Variants in TCTN1 observed in about 807,000 individuals in gnomAD.
The protein encoded by TCTN1 is tectonic family member 1, also known as tectonic-1.
In TCTN1, 58 loss-of-function variants were observed where a neutral mutation model predicts 65.8. That is an observed-to-expected ratio of 0.88 (90% CI 0.71 to 1.10). The LOEUF is 1.10. TCTN1 is among the 50% of genes least tolerant of loss of function. TCTN1 has a pLI of 0.00. For synonymous variants in TCTN1, 273 were observed against 289.1 expected (o/e 0.94, Z 0.57); for missense variants, 645 against 719.4 (o/e 0.90, Z 1.18).
intron 14 of TCTN1, chr12:110,648,660 G>A (rs1278818253): frequency 5.4e-6 from 1 of 185,428 alleles, no homozygotes; most frequent in East Asian, 1.8e-4. Flanking sequence ...CAAATACCTT[G>A]TTAATTATAG....
In TCTN1 at chr12:110,640,487, C is replaced by T. The variant is rs1383259588; in HGVS notation, c.948C>T (p.His316=). The change falls in exon 8 of 15, where the codon CAC becomes CAT. Residue 316 remains histidine, a synonymous_variant. Coordinates refer to ENST00000397659, the MANE Select transcript of TCTN1 (RefSeq NM_001082538.3). This position sits in a 1 kb window ranked among gnomAD's most constrained non-coding sequence, Gnocchi z 4.9. ...VLQPTLVNAG[H]FSLCVNVVLE... ...AGCCGACTCTCGTCAACGCTGGACA[C>T]TTTAGCCTTTGCGTGAATGTTGTTC... The T allele has an allele frequency of 6.2e-7, 1 of 1,614,254 alleles. No individual in the cohort carries two copies. The highest frequency in any genetic ancestry group is 1.3e-5 in the African/African-American group (1 of 75,056).
Position 110,614,262 on chromosome 12 carries a change from C to A in TCTN1, c.80C>A (p.Thr27Asn). The A allele has an allele frequency of 6.3e-7, 1 of 1,595,686 alleles. No homozygotes were observed. The highest frequency in any genetic ancestry group is 1.1e-5 in the South Asian group (1 of 88,216). Reference protein sequence around the residue: ...WASVSAQTDATPAVTTEGLNS... With the variant: ...WASVSAQTDANPAVTTEGLNS... ...TCCGTGAGCGCCCAGACCGATGCCA[C>A]CCCGGCGGTGACGACAGAGGGCCTC... Residue 27 changes from threonine to asparagine, a missense_variant, in exon 1 of 15, where the codon ACC becomes AAC. Physicochemically the swap from Thr to Asn is moderately conservative, Grantham distance 65. Coordinates refer to ENST00000397659, the MANE Select transcript of TCTN1 (RefSeq NM_001082538.3).
chr12:110,628,086 T>A, intron 3 of TCTN1: 1 of 1,536,030 alleles, frequency 6.5e-7, no homozygotes, highest in Non-Finnish European at 8.7e-7. Flanking sequence ...GGTGGCTGTG[T>A]GAGAGTAGAA....
intron 1 of TCTN1, among the ~76,000 whole-genome samples, chr12:110,618,858 G>C (rs2065228055): frequency 6.6e-6 from 1 of 151,972 alleles, no homozygotes; most frequent in African/African-American, 2.4e-5. Context: ...AAGCGGCAAA[G>C]AAAAATCATC....
At chr12:110,617,447 C>G (rs2065120896) in intron 1 of TCTN1, among the ~76,000 whole-genome samples, 1 of 151,892 alleles carries the variant, frequency 6.6e-6, no homozygotes, top group South Asian at 2.1e-4. Context: ...CCTCAGCCTC[C>G]CAAGTAGCTG....
intron 1 of TCTN1, 99 bp downstream of exon 1, chr12:110,614,501 A>G (rs1191134803): frequency 2.6e-6 from 4 of 1,540,920 alleles, no homozygotes; most frequent in Admixed American, 3.9e-5. Context: ...CTTATTGAGC[A>G]CTTACTGTGT....
Position 110,635,698 on chromosome 12 carries a change from TC to T in TCTN1, c.823-779del, listed in dbSNP as rs570362045. 3 of 152,202 alleles carry T rather than the reference TC, an allele frequency of 2.0e-5. No individual in the cohort carries two copies. In the South Asian group the frequency reaches 6.2e-4, roughly 32 times the overall value. 9.4% of individuals were successfully genotyped at this position (152,202 alleles called of 1,614,324 possible). A position where few individuals can be genotyped will look rare whatever the true frequency, so the allele number is the denominator to read the frequency against. On this transcript the variant is annotated intron_variant, in intron 6 of 14. Coordinates refer to ENST00000397659, the MANE Select transcript of TCTN1 (RefSeq NM_001082538.3). ...AAACATACGATTATTGTCAAAGGGGTCCCCTTCCCAATTTCCTTTTTATGAG... is the reference window on the plus strand; with the variant it reads ...AAACATACGATTATTGTCAAAGGGGTCCCTTCCCAATTTCCTTTTTATGAG...
chr12:110,623,729 T>C (rs1292158728), intron 2 of TCTN1, among the ~76,000 whole-genome samples: 14 of 151,472 alleles, frequency 9.2e-5, no homozygotes, highest in Non-Finnish European at 1.5e-4. Context: ...GTTAGAACTA[T>C]AAGCATCTGC....
Position 110,649,290 on chromosome 12 carries a change from G to T in TCTN1, c.*249G>T. ...CCACCCAGAATCCATGCTGGCAGGAGGGAGGCAGAGGTATCAAACCAAACC... is the reference window on the plus strand; with the variant it reads ...CCACCCAGAATCCATGCTGGCAGGATGGAGGCAGAGGTATCAAACCAAACC... On this transcript the variant is annotated 3_prime_UTR_variant, in exon 15 of 15. Coordinates refer to ENST00000397659, the MANE Select transcript of TCTN1 (RefSeq NM_001082538.3). 2 of 760,928 alleles carry T rather than the reference G, an allele frequency of 2.6e-6. No individual in the cohort carries two copies. The highest frequency in any genetic ancestry group is 4.6e-6 in the Non-Finnish European group (2 of 431,920). The allele number at this position is 760,928 out of a possible 1,614,324, so 47.1% of individuals were successfully genotyped here. A position where few individuals can be genotyped will look rare whatever the true frequency, so the allele number is the denominator to read the frequency against.
In TCTN1 at chr12:110,614,367, C is replaced by T. The variant is rs1372088916; in HGVS notation, c.185C>T (p.Pro62Leu). 1.2e-6 allele frequency: 2 copies of T among 1,605,590 alleles called. No individual in the cohort carries two copies. The highest frequency in any genetic ancestry group is 1.7e-6 in the Non-Finnish European group (2 of 1,176,736). The change falls in exon 1 of 15, where the codon CCC (proline) becomes CTC (leucine). Residue 62 changes from proline (P) to leucine (L), a missense_variant. By Grantham distance (98) the Pro-to-Leu change is moderately conservative. Coordinates refer to ENST00000397659, the MANE Select transcript of TCTN1 (RefSeq NM_001082538.3). ...CCCGGGACTCCCAGGGCTCCAGGGC[C>T]CTCCTCCGGCCCCAGGCCTACCCCA... is the stretch of plus-strand genomic sequence containing the variant. Reference protein sequence around the residue: ...RPPGTPRAPGPSSGPRPTPVT... With the variant: ...RPPGTPRAPGLSSGPRPTPVT...
rs2067662428 is a variant in TCTN1 at position 110,649,223 on chromosome 12, T to A, written c.*182T>A. The A allele has an allele frequency of 1.5e-6, 1 of 673,536 alleles. No individual in the cohort carries two copies. Among genetic ancestry groups the A allele is most frequent in the African/African-American group, 1.8e-5 (1 of 55,594 alleles). 41.7% of individuals were successfully genotyped at this position (673,536 alleles called of 1,614,324 possible). Reference sequence around the variant, plus strand: ...TGATACAGTGTGGGGTGGGAGTGGATGGGCAGCTCTTGGTGGTACTGGACC... The same window carrying A: ...TGATACAGTGTGGGGTGGGAGTGGAAGGGCAGCTCTTGGTGGTACTGGACC... On this transcript the variant is annotated 3_prime_UTR_variant, in exon 15 of 15. Coordinates refer to ENST00000397659, the MANE Select transcript of TCTN1 (RefSeq NM_001082538.3).
intron 1 of TCTN1, among the ~76,000 whole-genome samples, chr12:110,615,794 TAAG>T (rs1314455925): frequency 1.3e-5 from 2 of 152,182 alleles, no homozygotes; most frequent in Non-Finnish European, 2.9e-5. Context: ...TATCCCTTCT[TAAG>T]AAGATCTTTT....
chr12:110,619,982 T>C, intron 2 of TCTN1, 26 bp downstream of exon 2: 1 of 1,614,140 alleles, frequency 6.2e-7, no homozygotes, highest in Non-Finnish European at 8.5e-7. Flanking sequence ...ACACATGCAA[T>C]TTTGAAAAAA....
chr12:110,626,455 G>C lies in TCTN1; in HGVS notation c.435G>C (p.Gln145His), dbSNP rs2065847747. The change falls in exon 3 of 15, where the codon CAG (glutamine) becomes CAC (histidine). Residue 145 changes from glutamine to histidine, a missense_variant. By Grantham distance (24) the Gln-to-His change is conservative. Transcript: ENST00000397659. Reference protein sequence around the residue: ...PPQRVFELVDQINPSIFCIHI... With the variant: ...PPQRVFELVDHINPSIFCIHI... Reference sequence around the variant, plus strand: ...AAAGAGTATTTGAACTTGTTGACCAGATTAATCCATCTATTTTCTGCATTC... The same window carrying C: ...AAAGAGTATTTGAACTTGTTGACCACATTAATCCATCTATTTTCTGCATTC... 1 of 1,612,484 alleles carries C rather than the reference G, an allele frequency of 6.2e-7. No homozygotes were observed. The highest frequency in any genetic ancestry group is 1.1e-5 in the South Asian group (1 of 90,926).
At position 110,645,087 on chromosome 12, in the gene TCTN1, C is replaced by T. The variant is rs2067208566; in HGVS notation, c.1452C>T (p.Asp484=). 3.1e-6 allele frequency: 5 copies of T among 1,614,042 alleles called. No homozygotes were observed. Among genetic ancestry groups the T allele is most frequent in the African/African-American group, 2.7e-5 (2 of 74,920 alleles). Residue 484 remains aspartate, a synonymous_variant, in exon 12 of 15, where the codon GAC becomes GAT. Coordinates refer to ENST00000397659, the MANE Select transcript of TCTN1 (RefSeq NM_001082538.3). The part of the protein sequence containing the change: ...FGNSQAQDML[D]WVPIHFITQS... Reference sequence around the variant, plus strand: ...ATTCCCAGGCCCAGGACATGCTGGACTGGGTGCCCATCCACTTCATCACCC... The same window carrying T: ...ATTCCCAGGCCCAGGACATGCTGGATTGGGTGCCCATCCACTTCATCACCC...
Position 110,641,097 on chromosome 12 carries a change from T to G in TCTN1, c.1052T>G (p.Val351Gly). Residue 351 changes from valine (V) to glycine (G), a missense_variant, in exon 9 of 15, where the codon GTT becomes GGT. Coordinates refer to ENST00000397659, the MANE Select transcript of TCTN1 (RefSeq NM_001082538.3). ...KADLSFVLGTVSSVVVPLQQK... is the reference protein window; with the variant it reads ...KADLSFVLGTGSSVVVPLQQK... ...GATCTCTCATTCGTTCTGGGGACAGTTAGCAGCGTAGTGGTCCCACTGCAG... is the reference window on the plus strand; with the variant it reads ...GATCTCTCATTCGTTCTGGGGACAGGTAGCAGCGTAGTGGTCCCACTGCAG... 1.9e-6 allele frequency: 3 copies of G among 1,614,264 alleles called. No homozygotes were observed. In the South Asian group the frequency reaches 3.3e-5, roughly 18 times the overall value.
chr12:110,636,486 T>C lies in TCTN1; in HGVS notation c.828T>C (p.Pro276=). The change falls in exon 7 of 15, where the codon CCT becomes CCC. Residue 276 remains proline (P), a synonymous_variant. Coordinates refer to ENST00000397659, the MANE Select transcript of TCTN1 (RefSeq NM_001082538.3). ...TGTGGTTTCTTTTTATCTAGGTACC[T>C]GATTCAAGAAAAAAGGTAAGAGTAT... ...FYSSPEILRV[P]DSRKKVPITV... The C allele has an allele frequency of 1.5e-6, 2 of 1,367,808 alleles. No homozygotes were observed. The highest frequency in any genetic ancestry group is 2.1e-6 in the Non-Finnish European group (2 of 967,986). 84.7% of individuals were successfully genotyped at this position (1,367,808 alleles called of 1,614,324 possible). A position where few individuals can be genotyped will look rare whatever the true frequency, so the allele number is the denominator to read the frequency against.
intron 1 of TCTN1, among the ~76,000 whole-genome samples, chr12:110,615,221 A>G (rs558411927): frequency 7.2e-5 from 11 of 152,234 alleles, no homozygotes; most frequent in Non-Finnish European, 1.5e-4. Flanking sequence ...CAGAGGTTGC[A>G]GTAATTACCA....
At position 110,639,569 on chromosome 12, in the gene TCTN1, T is replaced by A. The variant is rs1471695406; in HGVS notation, c.844-814T>A. On this transcript the variant is annotated intron_variant, in intron 7 of 14. Coordinates refer to ENST00000397659, the MANE Select transcript of TCTN1 (RefSeq NM_001082538.3). This position sits in a 1 kb window ranked among gnomAD's most constrained non-coding sequence, Gnocchi z 4.9. ...TAAGGATATATATCCTGGGACTGCA[T>A]GTGAATGTGCATGTGTGGGTATGGA... 2.0e-5 allele frequency among the ~76,000 whole-genome samples: 3 copies of A among 152,118 alleles called. No individual in the cohort carries two copies. Among genetic ancestry groups the A allele is most frequent in the Non-Finnish European group, 4.4e-5 (3 of 68,026 alleles).
Sources: gnomAD v4.1 joint callset for allele counts (sites outside exome capture counted in the v4.1 genomes callset) on GRCh38, gnomAD v4.1.1 for gene constraint, Gnocchi (gnomAD v3.1) non-coding constraint, MANE v1.5 for transcripts, NCBI Gene and HGNC (gene_info 2026-07-23, HGNC 2026-07-21) for gene names.